The following ADRA1A variants were observed in gnomAD, a reference collection of about 807,000 sequenced individuals.
The protein encoded by ADRA1A is adrenoceptor alpha 1A, also known as alpha-1A adrenergic receptor.
In ADRA1A, 31 loss-of-function variants were observed where a neutral mutation model predicts 29.6. That is an observed-to-expected ratio of 1.05 (90% CI 0.79 to 1.41). The LOEUF is 1.41. Ranked by LOEUF, ADRA1A falls within the 40% of genes most tolerant of loss-of-function variation. The pLI is 0.00. For synonymous variants in ADRA1A, 311 were observed against 254.3 expected, an observed-to-expected ratio of 1.22 and a Z score of -2.12; for missense variants, 619 against 601.1, an observed-to-expected ratio of 1.03 and a Z score of -0.31.
chr8:26,827,603 TTTTTCTTTC>T (rs1211535482), intron 2 of ADRA1A, among the ~76,000 whole-genome samples: 2 of 151,862 alleles, frequency 1.3e-5, no homozygotes, highest in Admixed American at 1.3e-4. Context: ...CGCTCTGGGG[TTTTTCTTTC>T]TTTTCTTTCT....
At chr8:26,840,854 C>G (rs1005653872) in intron 2 of ADRA1A, among the ~76,000 whole-genome samples, 1 of 152,186 alleles carries the variant, frequency 6.6e-6, no homozygotes, top group African/African-American at 2.4e-5. Context: ...TATTTCCCCT[C>G]AAACATTTTT....
At chr8:26,762,462 A>G (rs879772348), downstream of ADRA1A, among the ~76,000 whole-genome samples, 9 of 152,170 alleles carry the variant, frequency 5.9e-5, no homozygotes, top group African/African-American at 1.9e-4. The surrounding 1 kb of genome is among the most constrained non-coding windows in gnomAD (Gnocchi z 4.0). Flanking sequence ...GAGCAGCCCC[A>G]TCTCATCACT....
Position 26,864,086 on chromosome 8 carries a change from C to T in ADRA1A, c.883+1G>A. On this transcript the variant is annotated splice_donor_variant, in intron 2 of 2. Transcript: ENST00000380573. LOFTEE classifies it high-confidence loss of function. This position sits in a 1 kb window ranked among gnomAD's most constrained non-coding sequence, Gnocchi z 8.1. Reference sequence around the variant, plus strand: ...TAAAGTGAGGGGTGTTCAAGACTTACCAATGGGCATGACTAAGAAAAAAGG... The same window carrying T: ...TAAAGTGAGGGGTGTTCAAGACTTATCAATGGGCATGACTAAGAAAAAAGG... The T allele has an allele frequency of 5.6e-6, 9 of 1,611,262 alleles. No homozygotes were observed. Among genetic ancestry groups the T allele is most frequent in the Admixed American group, 1.7e-5 (1 of 59,854 alleles).
chr8:26,794,903 A>G (rs1808090068), intron 2 of ADRA1A, among the ~76,000 whole-genome samples: 1 of 152,168 alleles, frequency 6.6e-6, no homozygotes, highest in Non-Finnish European at 1.5e-5. Flanking sequence ...ATGAGAGAAG[A>G]AAAGAAAGCA....
At chr8:26,753,332 C>T (rs921523228), downstream of ADRA1A, among the ~76,000 whole-genome samples, 5 of 152,144 alleles carry the variant, frequency 3.3e-5, no homozygotes, top group African/African-American at 4.8e-5. Flanking sequence ...TGCTACCTGC[C>T]TCTAAACCTG....
At chr8:26,750,212 T>A (rs1420131089) in intron 2 of ADRA1A, among the ~76,000 whole-genome samples, 2 of 151,876 alleles carry the variant, frequency 1.3e-5, no homozygotes, top group Non-Finnish European at 2.9e-5. Flanking sequence ...CTTCTTTTTC[T>A]TTTTTTTGAG....
rs764050133 is a variant in ADRA1A, at chr8:26,750,962, C to T, written c.1270-2214G>A. On this transcript the variant is annotated intron_variant, in intron 2 of 2. Coordinates refer to the ADRA1A transcript ENST00000380586. ...CGCATGCCTGTAATCCCAGCTACTC[C>T]GGAGGTTGAGGCAGGAGAATCACTT... is the stretch of plus-strand genomic sequence containing the variant. 4.6e-5 allele frequency among the ~76,000 whole-genome samples: 7 copies of T among 151,572 alleles called. No individual in the cohort carries two copies. In the East Asian group the frequency reaches 7.7e-4, roughly 17 times the overall value.
At chr8:26,800,680 AAAG>A (rs1417449649) in intron 2 of ADRA1A, among the ~76,000 whole-genome samples, 2 of 152,212 alleles carry the variant, frequency 1.3e-5, no homozygotes, top group Non-Finnish European at 2.9e-5. Flanking sequence ...CCAAATATTC[AAAG>A]AAGAACTAAT....
intron 2 of ADRA1A, among the ~76,000 whole-genome samples, chr8:26,803,491 CA>C (rs1808749184): frequency 6.6e-6 from 1 of 152,020 alleles, no homozygotes; most frequent in African/African-American, 2.4e-5. Context: ...AAGAAGAAAA[CA>C]TCGAAAAATA....
At chr8:26,797,654 T>C (rs1179638969) in intron 2 of ADRA1A, among the ~76,000 whole-genome samples, 2 of 152,148 alleles carry the variant, frequency 1.3e-5, no homozygotes, top group Non-Finnish European at 2.9e-5. Flanking sequence ...AGTTTTAATT[T>C]TGAATATTGT....
At chr8:26,835,455 G>A (rs1811278933) in intron 2 of ADRA1A, among the ~76,000 whole-genome samples, 1 of 152,194 alleles carries the variant, frequency 6.6e-6, no homozygotes, top group South Asian at 2.1e-4. Context: ...GGAGGCCTCA[G>A]GAAACTTACA....
intron 2 of ADRA1A, among the ~76,000 whole-genome samples, chr8:26,807,544 T>C (rs901786168): frequency 2.0e-5 from 3 of 152,014 alleles, no homozygotes; most frequent in Non-Finnish European, 4.4e-5. Context: ...TCTCTCTTAA[T>C]AGACAGTGAA....
intron 2 of ADRA1A, chr8:26,757,140 G>C (rs556407125): frequency 4.3e-6 from 3 of 702,382 alleles, no homozygotes; most frequent in Non-Finnish European, 7.8e-6. Flanking sequence ...GCCATAGACT[G>C]TGTTTATATA....
Position 26,864,201 on chromosome 8 carries a change from A to C in ADRA1A, c.769T>G (p.Phe257Val). 1 of 1,614,132 alleles carries C rather than the reference A, an allele frequency of 6.2e-7. No individual in the cohort carries two copies. The highest frequency in any genetic ancestry group is 8.5e-7 in the Non-Finnish European group (1 of 1,180,032). The change falls in exon 2 of 3, where the codon TTC becomes GTC. Residue 257 changes from phenylalanine to valine, a missense_variant. Transcript: ENST00000380573. The surrounding 1 kb of genome is among the most constrained non-coding windows in gnomAD (Gnocchi z 8.1). ...GMASAKTKTH[F>V]SVRLLKFSRE... is the part of the protein sequence containing the mutation. ...GAGAACTTGAGGAGCCTCACTGAGA[A>C]GTGCGTCTTGGTCTTGGCGCTGGCC...
chr8:26,860,738 C>T lies in ADRA1A; in HGVS notation c.883+3349G>A, dbSNP rs906022596. ...GTCTCTACTTGCCTCAGGGCTCACACACTTTGCTCTCCTTGTCACTTCCCA... is the reference window on the plus strand; with the variant it reads ...GTCTCTACTTGCCTCAGGGCTCACATACTTTGCTCTCCTTGTCACTTCCCA... On this transcript the variant is annotated intron_variant, in intron 2 of 2. Coordinates refer to ENST00000380573, the MANE Select transcript of ADRA1A (RefSeq NM_000680.4). The surrounding 1 kb of genome is among the most constrained non-coding windows in gnomAD (Gnocchi z 4.7). Among the ~76,000 whole-genome samples, 1 of 152,144 alleles carries T rather than the reference C, an allele frequency of 6.6e-6. No homozygotes were observed. Among genetic ancestry groups the T allele is most frequent in the Non-Finnish European group, 1.5e-5 (1 of 68,016 alleles).
At chr8:26,837,581 G>A (rs1323968021) in intron 2 of ADRA1A, among the ~76,000 whole-genome samples, 1 of 151,574 alleles carries the variant, frequency 6.6e-6, no homozygotes, top group Non-Finnish European at 1.5e-5. Context: ...AGCCTGGGAG[G>A]TGGAAGTTGC....
intron 2 of ADRA1A, among the ~76,000 whole-genome samples, chr8:26,840,956 A>C (rs1811774464): frequency 6.6e-6 from 1 of 152,214 alleles, no homozygotes; most frequent in Non-Finnish European, 1.5e-5. Flanking sequence ...GCCAGTCATG[A>C]TAGCAGGAAT....
Position 26,862,103 on chromosome 8 carries a change from T to G in ADRA1A, c.883+1984A>C, listed in dbSNP as rs139884123. On this transcript the variant is annotated intron_variant, in intron 2 of 2. Transcript: ENST00000380573. ...TGAAAGACCCCATATGACTTTGGTG[T>G]TGTCTATCTCTCCAATCTCTTCTTG... 3.6e-3 allele frequency among the ~76,000 whole-genome samples: 545 copies of G among 152,294 alleles called. 14 individuals carry two copies. The highest frequency in any genetic ancestry group is 0.032 in the Admixed American group (486 of 15,294).
chr8:26,812,901 T>C (rs62492230), intron 2 of ADRA1A, among the ~76,000 whole-genome samples: 8,483 of 151,968 alleles, frequency 0.056, 228 homozygotes, highest in Middle Eastern at 0.092. Context: ...CTCCTGACCT[T>C]GTGATCCGCC....
Sources: allele counts gnomAD v4.1 joint callset (sites outside exome capture counted in the v4.1 genomes callset), GRCh38; gene constraint gnomAD v4.1.1; non-coding constraint Gnocchi (gnomAD v3.1); transcripts MANE v1.5; gene names NCBI Gene and HGNC (gene_info 2026-07-23, HGNC 2026-07-21).